The following MACROD2 variants were observed in gnomAD, a reference collection of about 807,000 sequenced individuals.
MACROD2 encodes the protein ADP-ribose glycohydrolase MACROD2.
Under a neutral mutation model 70.4 loss-of-function variants are expected in MACROD2, and 36 were observed. That is an observed-to-expected ratio of 0.51 (90% CI 0.39 to 0.68). MACROD2 has a LOEUF of 0.68. Ranked by LOEUF, MACROD2 falls within the 30% of genes least tolerant of loss-of-function variation. The probability of loss-of-function intolerance (pLI) is 0.00; values close to 1 mark genes in which losing one functional copy is unlikely to be tolerated. For synonymous variants in MACROD2, 172 were observed against 178.8 expected (o/e 0.96, Z 0.30); for missense variants, 496 against 538.4 (o/e 0.92, Z 0.78).
At chr20:15,737,626 G>A (rs1405727025) in intron 8 of MACROD2, among the ~76,000 whole-genome samples, 1 of 152,214 alleles carries the variant, frequency 6.6e-6, no homozygotes, top group African/African-American at 2.4e-5. Flanking sequence ...GTGAAGAACA[G>A]TGGCATTGCT....
chr20:14,584,477 C>A (rs1019842594), intron 4 of MACROD2, among the ~76,000 whole-genome samples: 6 of 152,026 alleles, frequency 3.9e-5, no homozygotes, highest in Non-Finnish European at 7.4e-5. Context: ...GAGGGCCCTC[C>A]CCCTAGTTTG....
chr20:14,135,983 G>T (rs990145246), intron 3 of MACROD2, among the ~76,000 whole-genome samples: 9 of 152,092 alleles, frequency 5.9e-5, no homozygotes, highest in African/African-American at 1.4e-4. Context: ...GCTGGTCCTA[G>T]CCAATGTAAT....
intron 5 of MACROD2, among the ~76,000 whole-genome samples, chr20:15,045,903 G>A (rs1329258716): frequency 2.0e-5 from 3 of 152,036 alleles, no homozygotes; most frequent in East Asian, 1.9e-4. Context: ...CAGTATTTCT[G>A]AGGGTGTTCT....
At chr20:14,133,562 A>C (rs2054748087) in intron 3 of MACROD2, among the ~76,000 whole-genome samples, 1 of 152,238 alleles carries the variant, frequency 6.6e-6, no homozygotes, top group Non-Finnish European at 1.5e-5. Context: ...TAATGAAAAA[A>C]TAAAACACAG....
At chr20:14,743,127 A>AT (rs200818930) in intron 5 of MACROD2, among the ~76,000 whole-genome samples, 3 of 152,046 alleles carry the variant, frequency 2.0e-5, no homozygotes, top group Admixed American at 1.3e-4. Context: ...ACTCAAATGT[A>AT]TTTTTTTAAA....
intron 3 of MACROD2, among the ~76,000 whole-genome samples, chr20:14,212,944 T>C (rs1244481903): frequency 2.0e-5 from 3 of 151,814 alleles, no homozygotes; most frequent in African/African-American, 7.3e-5. Flanking sequence ...CTCCAGATTC[T>C]ACATGTGATA....
chr20:14,954,279 G>A (rs1469899646), intron 5 of MACROD2, among the ~76,000 whole-genome samples: 3 of 151,396 alleles, frequency 2.0e-5, no homozygotes, highest in African/African-American at 4.9e-5. Flanking sequence ...GCCATCTTTG[G>A]TTATCAAATG....
chr20:15,638,152 T>C (rs1324959929), intron 8 of MACROD2, among the ~76,000 whole-genome samples: 1 of 152,198 alleles, frequency 6.6e-6, no homozygotes, highest in African/African-American at 2.4e-5. Flanking sequence ...GGAATTTGGC[T>C]CTGACATGAA....
intron 3 of MACROD2, among the ~76,000 whole-genome samples, chr20:14,109,449 GATCA>G (rs777689541): frequency 2.6e-5 from 4 of 151,516 alleles, no homozygotes; most frequent in African/African-American, 7.3e-5. Flanking sequence ...CAATACAAAA[GATCA>G]ATCAAATAAA....
intron 4 of MACROD2, among the ~76,000 whole-genome samples, chr20:14,543,677 G>C (rs1277980680): frequency 6.6e-6 from 1 of 151,952 alleles, no homozygotes; most frequent in African/African-American, 2.4e-5. Context: ...CTTGCAATAG[G>C]GTTATATCCT....
chr20:14,875,863 C>T (rs184195826), intron 5 of MACROD2, among the ~76,000 whole-genome samples: 22 of 152,146 alleles, frequency 1.4e-4, no homozygotes, highest in East Asian at 1.9e-4. Context: ...ATATTTACCA[C>T]GTTTTGTTTA....
intron 6 of MACROD2, among the ~76,000 whole-genome samples, chr20:15,360,504 T>C (rs1159714744): frequency 2.6e-5 from 4 of 152,158 alleles, no homozygotes; most frequent in Admixed American, 6.5e-5. Flanking sequence ...ACTTAAAATG[T>C]CAATTATGTC....
chr20:14,884,173 T>C (rs1807545925), intron 5 of MACROD2: 1 of 152,218 alleles, frequency 6.6e-6, no homozygotes, highest in Admixed American at 6.5e-5. Flanking sequence ...AGAAAAATCA[T>C]GACAATTTCT....
At chr20:15,063,957 A>C (rs2075554104) in intron 5 of MACROD2, among the ~76,000 whole-genome samples, 1 of 152,186 alleles carries the variant, frequency 6.6e-6, no homozygotes, top group Non-Finnish European at 1.5e-5. Context: ...AAATAAGGTT[A>C]ATAGTCCCCA....
At chr20:15,338,210 T>A (rs1444793303) in intron 6 of MACROD2, among the ~76,000 whole-genome samples, 1 of 151,668 alleles carries the variant, frequency 6.6e-6, no homozygotes, top group Non-Finnish European at 1.5e-5. Context: ...TACGGTATAG[T>A]TTTGATTCTA....
intron 5 of MACROD2, among the ~76,000 whole-genome samples, chr20:14,916,631 A>G (rs1383200746): frequency 6.6e-6 from 1 of 152,220 alleles, no homozygotes; most frequent in Non-Finnish European, 1.5e-5. Context: ...ATAGATGATA[A>G]ATATGTCATA....
At chr20:14,757,022 CAATT>C (rs1215401623) in intron 5 of MACROD2, among the ~76,000 whole-genome samples, 1 of 152,064 alleles carries the variant, frequency 6.6e-6, no homozygotes, top group Non-Finnish European at 1.5e-5. Context: ...ATGCAGAAGT[CAATT>C]AAACTTCTTT....
Position 16,008,426 on chromosome 20 carries a change from A to C in MACROD2, c.1153+21268A>C, listed in dbSNP as rs554967674. Among the ~76,000 whole-genome samples, 3 of 152,320 alleles carry C rather than the reference A, an allele frequency of 2.0e-5. No individual in the cohort carries two copies. The South Asian group carries it at 6.2e-4, about 32-fold the overall frequency. On this transcript the variant is annotated intron_variant, in intron 15 of 17. Coordinates refer to ENST00000684519, the MANE Select transcript of MACROD2 (RefSeq NM_001351661.2). ...AAGCTAAAGATTTATTTTTAATAGAAATTGCTTCAGCCCCTGGCAACTCAG... is the reference window on the plus strand; with the variant it reads ...AAGCTAAAGATTTATTTTTAATAGACATTGCTTCAGCCCCTGGCAACTCAG...
chr20:15,483,241 G>C (rs2047122812), intron 7 of MACROD2, among the ~76,000 whole-genome samples: 1 of 152,110 alleles, frequency 6.6e-6, no homozygotes, highest in South Asian at 2.1e-4. Context: ...TTTGTGAAGT[G>C]TGTAAAATCT....
Sources: allele counts gnomAD v4.1 joint callset (sites outside exome capture counted in the v4.1 genomes callset), GRCh38; gene constraint gnomAD v4.1.1; transcripts MANE v1.5; gene names NCBI Gene and HGNC (gene_info 2026-07-23, HGNC 2026-07-21).